Variants in PRRG1 observed in about 807,000 individuals in gnomAD.
PRRG1 encodes the protein proline rich and Gla domain 1.
PRRG1 carries 5 observed loss-of-function variants against 11.8 expected under a neutral mutation model. That is an observed-to-expected ratio of 0.42 (90% CI 0.22 to 0.89). The LOEUF (loss-of-function observed/expected upper bound fraction) is 0.89, where lower values mean the gene tolerates loss of function less well. Ranked by LOEUF, PRRG1 falls within the 40% of genes least tolerant of loss-of-function variation. The pLI is 0.28. For synonymous variants in PRRG1, 66 were observed against 60.4 expected, an observed-to-expected ratio of 1.09 and a Z score of -0.43; for missense variants, 155 against 166.1, an observed-to-expected ratio of 0.93 and a Z score of 0.37.
intron 3 of PRRG1, 88 bp from the exon 4 acceptor site, chrX:37,453,048 T>C (rs1280733697): frequency 3.9e-6 from 4 of 1,014,986 alleles, no homozygotes; most frequent in Non-Finnish European, 5.2e-6. Flanking sequence ...TTGTTCATTA[T>C]GTTCATTGAA....
intron 2 of PRRG1, among the ~76,000 whole-genome samples, chrX:37,411,278 A>G (rs1347288382): frequency 9.8e-5 from 11 of 112,107 alleles, no homozygotes; most frequent in Non-Finnish European, 1.9e-4. Context: ...CATTTTATAT[A>G]AGGGACTTGA....
At position 37,454,260 on chromosome X, in the gene PRRG1, C is replaced by T. The variant is rs1921269317; in HGVS notation, c.*639C>T. 2 of 112,005 alleles carry T rather than the reference C, an allele frequency of 1.8e-5. No individual in the cohort carries two copies. The highest frequency in any genetic ancestry group is 3.2e-5 in the African/African-American group (1 of 30,841). The allele number at this position is 112,005 out of a possible 1,213,427, so 9.2% of individuals were successfully genotyped here. A position where few individuals can be genotyped will look rare whatever the true frequency, so the allele number is the denominator to read the frequency against. ...CAGATAGCAATAAGGTATTTGGTGG[C>T]ATTCGGCTTGTTTTGTAATAGGGAT... On this transcript the variant is annotated 3_prime_UTR_variant, in exon 4 of 4. Transcript: ENST00000378628.
At chrX:37,378,290 G>A (rs1006365847) in intron 1 of PRRG1, among the ~76,000 whole-genome samples, 3 of 111,846 alleles carry the variant, frequency 2.7e-5, no homozygotes, top group African/African-American at 6.5e-5. Flanking sequence ...CAGAGGTAAG[G>A]TGTTATATTT....
At chrX:37,453,086 C>A in intron 3 of PRRG1, 50 bp from the exon 4 acceptor site, 10 of 1,100,049 alleles carry the variant, frequency 9.1e-6, no homozygotes, top group Non-Finnish European at 1.1e-5. Context: ...CTGGTATTTT[C>A]CATCTTTTAT....
chrX:37,362,090 A>C (rs1930432662), intron 1 of PRRG1, among the ~76,000 whole-genome samples: 1 of 112,030 alleles, frequency 8.9e-6, no homozygotes, highest in Admixed American at 9.4e-5. Context: ...TTCTCAAAAA[A>C]ATTATAGAAG....
chrX:37,403,167 A>G lies in PRRG1; in HGVS notation c.-41-3042A>G, dbSNP rs782418898. Among the ~76,000 whole-genome samples, 273 of 109,623 alleles carry G rather than the reference A, an allele frequency of 2.5e-3. 1 individual carries two copies. The highest frequency in any genetic ancestry group is 8.0e-3 in the African/African-American group (241 of 30,056). The stretch of plus-strand genomic sequence containing the variant: ...ATGACTATAAATCATGCTGCTATAA[A>G]GACACATGCACACGTATGTTTATTG... On this transcript the variant is annotated intron_variant, in intron 1 of 3. Transcript: ENST00000378628.
At chrX:37,377,613 G>C (rs1261733175) in intron 1 of PRRG1, among the ~76,000 whole-genome samples, 2 of 111,576 alleles carry the variant, frequency 1.8e-5, no homozygotes, top group Non-Finnish European at 3.8e-5. Flanking sequence ...GCAAATTATA[G>C]GCTGTACTAT....
chrX:37,425,170 G>A lies in PRRG1; in HGVS notation c.11-670G>A, dbSNP rs1201919989. Among the ~76,000 whole-genome samples, 4 of 110,791 alleles carry A rather than the reference G, an allele frequency of 3.6e-5. No individual in the cohort carries two copies. The East Asian group carries it at 1.1e-3, about 31-fold the overall frequency. ...ATCTTTTTTACATGGTTTCATAAAT[G>A]TATTTTGAATGTTTATATGAAATGC... On this transcript the variant is annotated intron_variant, in intron 2 of 3. Transcript: ENST00000378628.
intron 1 of PRRG1, among the ~76,000 whole-genome samples, chrX:37,363,372 C>T (rs1556368173): frequency 1.8e-5 from 2 of 112,156 alleles, no homozygotes; most frequent in Admixed American, 1.9e-4. Flanking sequence ...ACTATGCATG[C>T]ATTTCATGCA....
intron 3 of PRRG1, among the ~76,000 whole-genome samples, chrX:37,451,356 T>C (rs2146640278): frequency 8.9e-6 from 1 of 112,606 alleles, no homozygotes; most frequent in East Asian, 2.8e-4. Context: ...TTTTATATAA[T>C]TCACTTTTTT....
Position 37,453,187 on chromosome X carries a change from G to A in PRRG1, c.223G>A (p.Gly75Arg). The A allele has an allele frequency of 8.3e-7, 1 of 1,208,519 alleles. No homozygotes were observed. The highest frequency in any genetic ancestry group is 3.0e-5 in the East Asian group (1 of 33,832). Residue 75 changes from glycine to arginine, a missense_variant, in exon 4 of 4, where the codon GGA becomes AGA. By Grantham distance (125) the Gly-to-Arg change is moderately radical (BLOSUM62 -2). Transcript: ENST00000378628. ...AGCGCAACAAGGGGAGAGTAACCGA[G>A]GAAGTGACTGGTTTCAGTTTTACCT... The part of the protein sequence containing the change: ...TKAQQGESNR[G>R]SDWFQFYLTF...
rs1312138244 is a variant in PRRG1 at position 37,442,157 on chromosome X, G to A, written c.172-10979G>A. 3.2e-5 allele frequency: 24 copies of A among 753,689 alleles called. No individual in the cohort carries two copies. In the East Asian group the frequency reaches 4.6e-4, roughly 14 times the overall value. The allele number at this position is 753,689 out of a possible 1,213,427, so 62.1% of individuals were successfully genotyped here. ...GGCGTGCATGTTGCCCTTTCAGAAC[G>A]TTCTCTTCAATTTTTTTCCTTTCAG... On this transcript the variant is annotated intron_variant, in intron 3 of 3. Transcript: ENST00000378628.
chrX:37,372,878 T>C (rs1373411116), intron 1 of PRRG1, among the ~76,000 whole-genome samples: 1 of 112,697 alleles, frequency 8.9e-6, no homozygotes, highest in Non-Finnish European at 1.9e-5. Context: ...CCCAGACCAA[T>C]GTCGTGGACC....
intron 1 of PRRG1, among the ~76,000 whole-genome samples, chrX:37,403,084 G>A (rs1556380925): frequency 9.2e-6 from 1 of 109,099 alleles, no homozygotes; most frequent in African/African-American, 3.4e-5. Flanking sequence ...ATTCCTCAGG[G>A]ATCTAGAACT....
intron 3 of PRRG1, among the ~76,000 whole-genome samples, chrX:37,445,130 A>G (rs1933050793): frequency 8.9e-6 from 1 of 111,955 alleles, no homozygotes; most frequent in Non-Finnish European, 1.9e-5. Flanking sequence ...CACTGATAAC[A>G]TAACTAAAAT....
intron 3 of PRRG1, among the ~76,000 whole-genome samples, chrX:37,447,296 T>C (rs908485301): frequency 1.6e-4 from 18 of 112,170 alleles, no homozygotes; most frequent in African/African-American, 5.8e-4. Flanking sequence ...ATTTCTTTCC[T>C]TTGTTTTTAA....
chrX:37,446,105 A>T (rs1490858833), intron 3 of PRRG1, among the ~76,000 whole-genome samples: 2 of 112,572 alleles, frequency 1.8e-5, no homozygotes, highest in Non-Finnish European at 3.7e-5. Context: ...TAATTTCCCT[A>T]TCAAACACAA....
rs782603329 is a variant in PRRG1, at chrX:37,366,566, G to A, written c.-42+17171G>A. ...GTAATCAGTTGTCTGAATTCATCTG[G>A]GCCAAATCTCCTTTACCAGCCAAAT... is the stretch of plus-strand genomic sequence containing the variant. On this transcript the variant is annotated intron_variant, in intron 1 of 3. Transcript: ENST00000378628. Among the ~76,000 whole-genome samples, 6 of 111,733 alleles carry A rather than the reference G, an allele frequency of 5.4e-5. No individual in the cohort carries two copies. The East Asian group carries it at 1.7e-3, about 31-fold the overall frequency.
chrX:37,393,154 C>T, intron 1 of PRRG1, among the ~76,000 whole-genome samples: 1 of 110,761 alleles, frequency 9.0e-6, no homozygotes, highest in Middle Eastern at 4.8e-3. Context: ...TGAATTTCAG[C>T]AACATCTAAC....
Sources: gnomAD v4.1 joint callset for allele counts (sites outside exome capture counted in the v4.1 genomes callset) on GRCh38, gnomAD v4.1.1 for gene constraint, MANE v1.5 for transcripts, NCBI Gene and HGNC (gene_info 2026-07-23, HGNC 2026-07-21) for gene names.